Variants in NUDT13 observed in about 807,000 individuals in gnomAD.
The protein encoded by NUDT13 is nudix hydrolase 13.
Under a neutral mutation model 41.7 loss-of-function variants are expected in NUDT13, and 40 were observed. That is an observed-to-expected ratio of 0.96 (90% CI 0.75 to 1.25). The LOEUF is 1.25. Among genes scored for constraint, NUDT13 ranks in the 50% most tolerant of loss-of-function variants. The probability of loss-of-function intolerance (pLI) is 0.00; values close to 1 mark genes in which losing one functional copy is unlikely to be tolerated. For missense variants in NUDT13, 390 were observed against 416.1 expected, an observed-to-expected ratio of 0.94 and a Z score of 0.55; for synonymous variants, 145 against 155.5, an observed-to-expected ratio of 0.93 and a Z score of 0.50.
intron 1 of NUDT13, among the ~76,000 whole-genome samples, chr10:73,113,381 G>A (rs1433921536): frequency 1.3e-5 from 2 of 152,150 alleles, no homozygotes; most frequent in Non-Finnish European, 2.9e-5. Flanking sequence ...TTTACATTCT[G>A]AGTGGTGTAT....
chr10:73,125,911 C>A (rs1842764666), intron 7 of NUDT13, among the ~76,000 whole-genome samples: 1 of 152,006 alleles, frequency 6.6e-6, no homozygotes, highest in Non-Finnish European at 1.5e-5. Context: ...GTCCTGAACT[C>A]CTGGCTTCAA....
chr10:73,124,133 A>G (rs1021048724), intron 4 of NUDT13, 81 bp from the exon 5 acceptor site: 1 of 964,130 alleles, frequency 1.0e-6, no homozygotes, highest in Non-Finnish European at 1.6e-6. Context: ...GGGAAACACT[A>G]TTTTAACAGG....
intron 7 of NUDT13, 142 bp from the exon 8 acceptor site, chr10:73,126,531 G>T: frequency 1.2e-6 from 1 of 846,338 alleles, no homozygotes; most frequent in Non-Finnish European, 1.8e-6. Context: ...TCTTATTGTT[G>T]GAATGACTCA....
intron 4 of NUDT13, among the ~76,000 whole-genome samples, chr10:73,122,797 GT>G (rs1211893355): frequency 1.3e-5 from 2 of 150,630 alleles, no homozygotes; most frequent in African/African-American, 4.9e-5. Flanking sequence ...GCCCAGGCTG[GT>G]CTCAAACTCC....
chr10:73,118,410 T>G (rs1842566198), intron 2 of NUDT13, among the ~76,000 whole-genome samples: 1 of 152,044 alleles, frequency 6.6e-6, no homozygotes, highest in African/African-American at 2.4e-5. Flanking sequence ...ACAGGAAATA[T>G]CTGCAAACTA....
Position 73,131,751 on chromosome 10 carries a change from G to A in NUDT13, c.*848G>A, listed in dbSNP as rs1842922531. On this transcript the variant is annotated 3_prime_UTR_variant, in exon 9 of 9. Transcript: ENST00000357321. ...ACTTTATGGAATAAACTAAATTTAG[G>A]ATTTCTCATCATTCATATATGATGC... 1 of 152,166 alleles carries A rather than the reference G, an allele frequency of 6.6e-6. No homozygotes were observed. The highest frequency in any genetic ancestry group is 1.5e-5 in the Non-Finnish European group (1 of 68,034). The allele number at this position is 152,166 out of a possible 1,614,324, so 9.4% of individuals were successfully genotyped here.
chr10:73,120,144 G>C lies in NUDT13; in HGVS notation c.210G>C (p.Arg70=). The C allele has an allele frequency of 6.2e-7, 1 of 1,614,068 alleles. No homozygotes were observed. The highest frequency in any genetic ancestry group is 8.5e-7 in the Non-Finnish European group (1 of 1,179,980). ...QTSAHQYLAP[R]HSLLELERLL... is the part of the protein sequence containing the mutation. ...CAGCACATCAATACCTGGCCCCCCG[G>C]CACAGCCTGTTAGGTAAGTCCAGAG... The change falls in exon 3 of 9, where the codon CGG becomes CGC. Residue 70 remains arginine (R), a synonymous_variant. Coordinates refer to ENST00000357321, the MANE Select transcript of NUDT13 (RefSeq NM_015901.6).
chr10:73,110,578 T>C lies in NUDT13; in HGVS notation c.-10+11T>C, dbSNP rs925237229. 2 of 152,130 alleles carry C rather than the reference T, an allele frequency of 1.3e-5. No homozygotes were observed. The highest frequency in any genetic ancestry group is 2.9e-5 in the Non-Finnish European group (2 of 68,028). The allele number at this position is 152,130 out of a possible 1,614,324, so 9.4% of individuals were successfully genotyped here. A position where few individuals can be genotyped will look rare whatever the true frequency, so the allele number is the denominator to read the frequency against. On this transcript the variant is annotated intron_variant, in intron 1 of 8. Transcript: ENST00000357321. ...CGAAAAGAATTCAGAGTGAGTACAGTGAAACAGAAACCTGCTCAGCTTCTA... is the reference window on the plus strand; with the variant it reads ...CGAAAAGAATTCAGAGTGAGTACAGCGAAACAGAAACCTGCTCAGCTTCTA...
intron 4 of NUDT13, among the ~76,000 whole-genome samples, chr10:73,123,998 T>C (rs7075865): frequency 0.16 from 23,881 of 151,770 alleles, 3,127 homozygotes; most frequent in African/African-American, 0.34. Context: ...GGTAAGATCA[T>C]AGCGCACTGT....
chr10:73,117,465 G>C (rs1005080118), intron 2 of NUDT13, among the ~76,000 whole-genome samples: 1 of 150,156 alleles, frequency 6.7e-6, no homozygotes, highest in African/African-American at 2.5e-5. Flanking sequence ...GCTGAGGCAA[G>C]AGAATCACTT....
At position 73,131,063 on chromosome 10, in the gene NUDT13, T is replaced by C. The variant is rs577393549; in HGVS notation, c.*160T>C. 9 of 556,974 alleles carry C rather than the reference T, an allele frequency of 1.6e-5. No homozygotes were observed. In the South Asian group the frequency reaches 1.9e-4, roughly 12 times the overall value. The allele number at this position is 556,974 out of a possible 1,614,324, so 34.5% of individuals were successfully genotyped here. On this transcript the variant is annotated 3_prime_UTR_variant, in exon 9 of 9. Coordinates refer to ENST00000357321, the MANE Select transcript of NUDT13 (RefSeq NM_015901.6). ...AAGACACTTCTATCAGCAGTGTTAA[T>C]GGAAGAAATTCCTACCAATGGGCAA...
chr10:73,119,858 A>G lies in NUDT13; in HGVS notation c.84-160A>G, dbSNP rs186979581. On this transcript the variant is annotated intron_variant, in intron 2 of 8. Transcript: ENST00000357321. ...CAAAGGAGGGAATGAATGATTATCT[A>G]TAGCCACCTCAAACCCTTTTTGGAG... Among the ~76,000 whole-genome samples, 193 of 152,332 alleles carry G rather than the reference A, an allele frequency of 1.3e-3. 1 individual carries two copies. Among genetic ancestry groups the G allele is most frequent in the Middle Eastern group, 3.4e-3 (1 of 294 alleles).
intron 5 of NUDT13, 87 bp downstream of exon 5, chr10:73,124,407 G>A (rs1024952088): frequency 7.0e-6 from 6 of 862,656 alleles, no homozygotes; most frequent in African/African-American, 3.3e-5. Flanking sequence ...CTAGAGTGAC[G>A]TTTGATTTCT....
chr10:73,125,651 TTATA>T lies in NUDT13; in HGVS notation c.703+165_703+168del, dbSNP rs57047791. ...GTCAAGAAAACTGCTTTCTGGCATT[TTATA>T]TATATATATATATATATATATAAAA... is the stretch of plus-strand genomic sequence containing the variant. On this transcript the variant is annotated intron_variant, in intron 7 of 8. Transcript: ENST00000357321. 404 of 196,520 alleles carry T rather than the reference TTATA, an allele frequency of 2.1e-3. 4 individuals are homozygous for T. Among genetic ancestry groups the T allele is most frequent in the African/African-American group, 0.01 (355 of 34,806 alleles). 12.2% of individuals were successfully genotyped at this position (196,520 alleles called of 1,614,324 possible).
In NUDT13 at chr10:73,120,068, A is replaced by T. The variant is rs764913388; in HGVS notation, c.134A>T (p.Gln45Leu). 3 of 1,614,180 alleles carry T rather than the reference A, an allele frequency of 1.9e-6. No individual in the cohort carries two copies. Among genetic ancestry groups the T allele is most frequent in the Non-Finnish European group, 2.5e-6 (3 of 1,179,990 alleles). Residue 45 changes from glutamine (Q) to leucine (L), a missense_variant, in exon 3 of 9, where the codon CAA (glutamine) becomes CTA (leucine). Physicochemically the swap from Gln to Leu is moderately radical, Grantham distance 113. Transcript: ENST00000357321. ...EDDDACKKAQ[Q>L]TGAFYLFHSL... is the part of the protein sequence containing the mutation. ...GATGATGCATGTAAAAAAGCCCAGC[A>T]AACAGGAGCGTTTTACCTCTTTCAT...
rs35103739 is a variant in NUDT13, at chr10:73,121,802, TC to T, written c.224-370del. 2.6e-5 allele frequency among the ~76,000 whole-genome samples: 4 copies of T among 152,136 alleles called. 1 individual carries two copies. Among genetic ancestry groups the T allele is most frequent in the Admixed American group, 2.6e-4 (4 of 15,272 alleles). ...CCAAACTCCTGGCCTCAAGTGATCC[TC>T]CCTGCCCCCCAGCCTTGGTCTGTAC... On this transcript the variant is annotated intron_variant, in intron 3 of 8. Transcript: ENST00000357321.
Position 73,130,725 on chromosome 10 carries a change from T to G in NUDT13, c.881T>G (p.Leu294Ter). The part of the protein sequence containing the change: ...QTEIQVNLRE[L>*]ETAAWFSHDE... ...CAGATCCAGGTGAACTTGAGAGAATTAGAGACAGCTGCCTGGTTCAGTCAT... is the reference window on the plus strand; with the variant it reads ...CAGATCCAGGTGAACTTGAGAGAATGAGAGACAGCTGCCTGGTTCAGTCAT... Residue 294 changes from leucine (L) to a stop codon, truncating the protein, a stop_gained, in exon 9 of 9, where the codon TTA (leucine) becomes TGA (stop). Transcript: ENST00000357321. LOFTEE classifies it high-confidence loss of function. 1 of 1,613,804 alleles carries G rather than the reference T, an allele frequency of 6.2e-7. No homozygotes were observed. The highest frequency in any genetic ancestry group is 1.1e-5 in the South Asian group (1 of 91,046).
At position 73,125,672 on chromosome 10, in the gene NUDT13, TATATAA is replaced by T. The variant is rs1054272531; in HGVS notation, c.703+165_703+170del. Reference sequence around the variant, plus strand: ...CATTTTATATATATATATATATATATATATAAAATTTTTTCCTTTCCTTTTTTTTGA... The same window carrying T: ...CATTTTATATATATATATATATATATAATTTTTTCCTTTCCTTTTTTTTGA... On this transcript the variant is annotated intron_variant, in intron 7 of 8. Transcript: ENST00000357321. The T allele has an allele frequency of 3.5e-5, 6 of 173,874 alleles. 1 individual carries two copies. The highest frequency in any genetic ancestry group is 9.9e-5 in the African/African-American group (4 of 40,542). 10.8% of individuals were successfully genotyped at this position (173,874 alleles called of 1,614,324 possible).
In NUDT13 at chr10:73,131,431, C is replaced by T. The variant is rs2894215; in HGVS notation, c.*528C>T. 6.3e-6 allele frequency: 1 copy of T among 157,586 alleles called. No homozygotes were observed. Among genetic ancestry groups the T allele is most frequent in the Non-Finnish European group, 1.4e-5 (1 of 70,924 alleles). The allele number at this position is 157,586 out of a possible 1,614,324, so 9.8% of individuals were successfully genotyped here. Reference sequence around the variant, plus strand: ...GGTGCATTCTAGTTACATGAACATGCTAGTTAAATAAAAGTCACAATTAAG... The same window carrying T: ...GGTGCATTCTAGTTACATGAACATGTTAGTTAAATAAAAGTCACAATTAAG... On this transcript the variant is annotated 3_prime_UTR_variant, in exon 9 of 9. Transcript: ENST00000357321.
Sources: gnomAD v4.1 joint callset for allele counts (sites outside exome capture counted in the v4.1 genomes callset) on GRCh38, gnomAD v4.1.1 for gene constraint, MANE v1.5 for transcripts, NCBI Gene and HGNC (gene_info 2026-07-23, HGNC 2026-07-21) for gene names.